Variants in KCNIP4 observed in about 807,000 individuals in gnomAD.
KCNIP4 encodes potassium voltage-gated channel interacting protein 4.
Under a neutral mutation model 34.0 loss-of-function variants are expected in KCNIP4, and 12 were observed. The ratio of observed to expected loss-of-function variants is 0.35; its 90% CI spans 0.23 to 0.57. KCNIP4 has a LOEUF of 0.57. Ranked by LOEUF, KCNIP4 falls within the 20% of genes least tolerant of loss-of-function variation. The pLI, the probability that KCNIP4 is intolerant of heterozygous loss-of-function variation, is 0.83. For synonymous variants in KCNIP4, 124 were observed against 102.2 expected (o/e 1.21, Z -1.29); for missense variants, 238 against 311.7 (o/e 0.76, Z 1.78).
chr4:20,863,985 T>C (rs561363536), intron 2 of KCNIP4, among the ~76,000 whole-genome samples: 2 of 144,470 alleles, frequency 1.4e-5, no homozygotes, highest in East Asian at 3.9e-4. Context: ...TATACATATG[T>C]ATAACTAGAT....
At chr4:21,497,559 T>C (rs1364238335) in intron 1 of KCNIP4, among the ~76,000 whole-genome samples, 1 of 152,132 alleles carries the variant, frequency 6.6e-6, no homozygotes, top group Non-Finnish European at 1.5e-5. Flanking sequence ...AACCTGTATT[T>C]TCATTAAAGC....
At chr4:20,760,676 G>T (rs991924586) in intron 3 of KCNIP4, among the ~76,000 whole-genome samples, 1 of 152,152 alleles carries the variant, frequency 6.6e-6, no homozygotes, top group Non-Finnish European at 1.5e-5. Flanking sequence ...GAGGTGCTGA[G>T]TGGCAAAGCA....
rs528154340 is a variant in KCNIP4 at position 21,670,747 on chromosome 4, C to T, written c.61+277824G>A. Among the ~76,000 whole-genome samples the T allele has an allele frequency of 4.5e-3, 689 of 152,142 alleles. 5 individuals are homozygous for T. The highest frequency in any genetic ancestry group is 7.6e-3 in the Admixed American group (116 of 15,276). ...CTTGGCTCACTGCAAGCTCCGCCTC[C>T]CGGGTTCAGGCCATTCTCCTGCCTC... On this transcript the variant is annotated intron_variant, in intron 1 of 8. Coordinates refer to ENST00000382152, the MANE Select transcript of KCNIP4 (RefSeq NM_025221.6).
intron 1 of KCNIP4, among the ~76,000 whole-genome samples, chr4:21,714,789 A>G (rs201857643): frequency 4.3e-3 from 21 of 4,882 alleles, no homozygotes; most frequent in East Asian, 0.038. Flanking sequence ...CCCTTTGATT[A>G]TTTTATTTTA....
intron 1 of KCNIP4, among the ~76,000 whole-genome samples, chr4:21,689,625 A>G (rs986827347): frequency 3.3e-5 from 5 of 152,320 alleles, no homozygotes; most frequent in Admixed American, 1.3e-4. Flanking sequence ...TATTATTGTC[A>G]TTAAGACTAT....
rs1464102436 is a variant in KCNIP4 at position 21,238,414 on chromosome 4, C to A, written c.62-355705G>T. Among the ~76,000 whole-genome samples, 4 of 152,078 alleles carry A rather than the reference C, an allele frequency of 2.6e-5. No individual in the cohort carries two copies. In the East Asian group the frequency reaches 7.7e-4, roughly 29 times the overall value. On this transcript the variant is annotated intron_variant, in intron 1 of 8. Coordinates refer to ENST00000382152, the MANE Select transcript of KCNIP4 (RefSeq NM_025221.6). ...GCAGGAGAAGGAAATAAAGGGTATT[C>A]AATTAGGAAAAGAGGAAGTCAAATT... is the stretch of plus-strand genomic sequence containing the variant.
chr4:20,877,179 G>A (rs1199263429), intron 2 of KCNIP4, among the ~76,000 whole-genome samples: 1 of 152,164 alleles, frequency 6.6e-6, no homozygotes, highest in Non-Finnish European at 1.5e-5. Flanking sequence ...TCTTTGGTGA[G>A]TTGACAATAG....
intron 1 of KCNIP4, among the ~76,000 whole-genome samples, chr4:20,957,459 T>C (rs2149652892): frequency 6.6e-6 from 1 of 152,286 alleles, no homozygotes; most frequent in Admixed American, 6.5e-5. Context: ...GACATACAGC[T>C]TGTTAAGTAG....
chr4:20,968,347 A>G (rs557345742), intron 1 of KCNIP4, among the ~76,000 whole-genome samples: 1 of 152,310 alleles, frequency 6.6e-6, no homozygotes, highest in South Asian at 2.1e-4. Flanking sequence ...AATTAGCTCA[A>G]CCATTGTGGA....
intron 1 of KCNIP4, among the ~76,000 whole-genome samples, chr4:21,790,028 A>T (rs951071134): frequency 6.6e-6 from 1 of 152,218 alleles, no homozygotes; most frequent in Admixed American, 6.5e-5. Context: ...TGGTTATGAA[A>T]CTGCCATGAA....
chr4:21,524,723 T>C (rs1735828338), intron 1 of KCNIP4, among the ~76,000 whole-genome samples: 1 of 152,196 alleles, frequency 6.6e-6, no homozygotes, highest in Non-Finnish European at 1.5e-5. Flanking sequence ...TGAAATATTT[T>C]CTGTCTATCT....
At chr4:20,742,057 T>G (rs1578468813) in intron 5 of KCNIP4, among the ~76,000 whole-genome samples, 1 of 152,118 alleles carries the variant, frequency 6.6e-6, no homozygotes, top group African/African-American at 2.4e-5. Flanking sequence ...TAACAGGCTC[T>G]GAAATTGAGG....
intron 1 of KCNIP4, among the ~76,000 whole-genome samples, chr4:21,135,045 T>C (rs749666364): frequency 4.6e-5 from 7 of 152,176 alleles, no homozygotes; most frequent in Non-Finnish European, 1.0e-4. Flanking sequence ...CACATACGGA[T>C]TCAGGTAAAC....
At chr4:21,447,916 C>T (rs1728171474) in intron 1 of KCNIP4, among the ~76,000 whole-genome samples, 1 of 152,092 alleles carries the variant, frequency 6.6e-6, no homozygotes, top group Non-Finnish European at 1.5e-5. Flanking sequence ...TTATGCTACT[C>T]AGAATGGCAA....
chr4:20,854,580 C>T (rs1022709471), intron 2 of KCNIP4, among the ~76,000 whole-genome samples: 1 of 152,116 alleles, frequency 6.6e-6, no homozygotes, highest in African/African-American at 2.4e-5. Context: ...TCACAAATCA[C>T]CACTGAAGAA....
chr4:21,762,835 G>T, intron 1 of KCNIP4: 2 of 778,758 alleles, frequency 2.6e-6, no homozygotes, highest in South Asian at 1.7e-5. Context: ...TGAAGAATGT[G>T]TATATATAAG....
At chr4:21,314,200 A>G (rs1185381009) in intron 1 of KCNIP4, among the ~76,000 whole-genome samples, 2 of 152,264 alleles carry the variant, frequency 1.3e-5, no homozygotes, top group East Asian at 1.9e-4. Context: ...CTAGCAAGAA[A>G]TGTCTTCCAT....
chr4:20,858,055 C>T (rs904696776), intron 2 of KCNIP4, among the ~76,000 whole-genome samples: 6 of 151,372 alleles, frequency 4.0e-5, no homozygotes, highest in African/African-American at 1.5e-4. Flanking sequence ...ACTAAAAATA[C>T]AAAAAATTAG....
intron 1 of KCNIP4, among the ~76,000 whole-genome samples, chr4:21,092,419 A>G (rs1747075190): frequency 6.6e-6 from 1 of 152,204 alleles, no homozygotes. Context: ...TACAGATACA[A>G]TCCACTATAA....
Sources: gnomAD v4.1 joint callset for allele counts (sites outside exome capture counted in the v4.1 genomes callset) on GRCh38, gnomAD v4.1.1 for gene constraint, MANE v1.5 for transcripts, NCBI Gene and HGNC (gene_info 2026-07-23, HGNC 2026-07-21) for gene names.